Variants in CXCL8 observed in about 807,000 individuals in gnomAD.
The protein encoded by CXCL8 is interleukin-8.
CXCL8 carries 12 observed loss-of-function variants against 10.9 expected under a neutral mutation model. That is an observed-to-expected ratio of 1.10 (90% CI 0.71 to 1.79). The LOEUF is 1.79. Ranked by LOEUF, CXCL8 falls within the 40% of genes most tolerant of loss-of-function variation. CXCL8 has a pLI of 0.00. For synonymous variants in CXCL8, 41 were observed against 39.6 expected (o/e 1.03, Z -0.13); for missense variants, 145 against 113.4 (o/e 1.28, Z -1.26).
intron 1 of CXCL8, 94 bp downstream of exon 1, chr4:73,740,816 CT>C: frequency 2.0e-6 from 2 of 979,012 alleles, no homozygotes; most frequent in South Asian, 1.5e-5. Context: ...AACAAACATC[CT>C]TTTTATTCAG....
Position 73,740,741 on chromosome 4 carries a change from C to A in CXCL8, c.64+19C>A, listed in dbSNP as rs931365724. The A allele has an allele frequency of 1.9e-6, 3 of 1,608,560 alleles. No homozygotes were observed. Among genetic ancestry groups the A allele is most frequent in the Non-Finnish European group, 2.6e-6 (3 of 1,176,300 alleles). ...TGTGAAGGTAAGCACATCTTTCTGA[C>A]CTACAGCGTTTTCCTATGTCTAAAT... On this transcript the variant is annotated intron_variant, in intron 1 of 3. Transcript: ENST00000307407.
intron 3 of CXCL8, 191 bp downstream of exon 3, chr4:73,742,223 C>T (rs1729194601): frequency 1.7e-6 from 1 of 578,932 alleles, no homozygotes; most frequent in African/African-American, 1.9e-5. Flanking sequence ...ATAGTTTGCC[C>T]AGGAAATTCT....
intron 1 of CXCL8, 125 bp downstream of exon 1, chr4:73,740,847 C>A: frequency 1.3e-6 from 1 of 741,014 alleles, no homozygotes; most frequent in Non-Finnish European, 2.2e-6. Context: ...ATAATCTTAG[C>A]AGTCAATTAA....
chr4:73,743,470 G>A lies in CXCL8; in HGVS notation c.*1006G>A. 4.9e-6 allele frequency: 1 copy of A among 203,430 alleles called. No individual in the cohort carries two copies. Among genetic ancestry groups the A allele is most frequent in the Non-Finnish European group, 1.0e-5 (1 of 99,306 alleles). 12.6% of individuals were successfully genotyped at this position (203,430 alleles called of 1,614,324 possible). ...TGTTGAATTACGGAATAATGAGTTA[G>A]AACTATTAAAACAGCCAAAACTCCA... On this transcript the variant is annotated 3_prime_UTR_variant, in exon 4 of 4. Coordinates refer to ENST00000307407, the MANE Select transcript of CXCL8 (RefSeq NM_000584.4).
intron 3 of CXCL8, 77 bp downstream of exon 3, chr4:73,742,109 T>C (rs2149423227): frequency 1.1e-6 from 1 of 889,786 alleles, no homozygotes; most frequent in East Asian, 2.7e-5. Context: ...ATAAATTTCT[T>C]TCTGTTGCTA....
At position 73,741,667 on chromosome 4, in the gene CXCL8, A is replaced by C. The variant is rs758228010; in HGVS notation, c.190A>C (p.Thr64Pro). Reference protein sequence around the residue: ...VIESGPHCANTEIIVKLSDGR... With the variant: ...VIESGPHCANPEIIVKLSDGR... Reference sequence around the variant, plus strand: ...TGAGAGTGGACCACACTGCGCCAACACAGAAATTATGTAAGTACTTTAAAA... The same window carrying C: ...TGAGAGTGGACCACACTGCGCCAACCCAGAAATTATGTAAGTACTTTAAAA... Residue 64 changes from threonine to proline, a missense_variant, in exon 2 of 4, where the codon ACA becomes CCA. Thr to Pro is a conservative substitution (Grantham distance 38). Transcript: ENST00000307407. 1.9e-6 allele frequency: 3 copies of C among 1,610,828 alleles called. No homozygotes were observed. The South Asian group carries it at 3.3e-5, about 18-fold the overall frequency.
chr4:73,741,580 C>T lies in CXCL8; in HGVS notation c.103C>T (p.Gln35Ter). Reference protein sequence around the residue: ...LPRSAKELRCQCIKTYSKPFH... With the variant: ...LPRSAKELRC ...AAGGAGTGCTAAAGAACTTAGATGT[C>T]AGTGCATAAAGACATACTCCAAACC... The change falls in exon 2 of 4, where the codon CAG (glutamine) becomes TAG (stop). Residue 35 changes from glutamine (Q) to a stop codon, truncating the protein, a stop_gained. Transcript: ENST00000307407. LOFTEE classifies it high-confidence loss of function. 6.2e-7 allele frequency: 1 copy of T among 1,613,388 alleles called. No homozygotes were observed. The highest frequency in any genetic ancestry group is 8.5e-7 in the Non-Finnish European group (1 of 1,179,508).
chr4:73,741,447 G>T lies in CXCL8; in HGVS notation c.65-95G>T. 3 of 1,188,066 alleles carry T rather than the reference G, an allele frequency of 2.5e-6. No individual in the cohort carries two copies. In the South Asian group the frequency reaches 4.3e-5, roughly 17 times the overall value. 73.6% of individuals were successfully genotyped at this position (1,188,066 alleles called of 1,614,324 possible). A position where few individuals can be genotyped will look rare whatever the true frequency, so the allele number is the denominator to read the frequency against. On this transcript the variant is annotated intron_variant, in intron 1 of 3. Transcript: ENST00000307407. The stretch of plus-strand genomic sequence containing the variant: ...CACTAGAAACATGATGCCTTCCATA[G>T]TCTCCAAATAATCATATTGGAATTA...
rs1003486585 is a variant in CXCL8 at position 73,742,627 on chromosome 4, T to C, written c.*163T>C. On this transcript the variant is annotated 3_prime_UTR_variant, in exon 4 of 4. Transcript: ENST00000307407. ...TGAATTTCAGTAAACAATGAATAGTTTTTCATTGTACCATGAAATATCCAG... is the reference window on the plus strand; with the variant it reads ...TGAATTTCAGTAAACAATGAATAGTCTTTCATTGTACCATGAAATATCCAG... 2 of 453,048 alleles carry C rather than the reference T, an allele frequency of 4.4e-6. No homozygotes were observed. The highest frequency in any genetic ancestry group is 4.3e-5 in the Admixed American group (1 of 23,388). The allele number at this position is 453,048 out of a possible 1,614,324, so 28.1% of individuals were successfully genotyped here.
In CXCL8 at chr4:73,741,893, C is replaced by A. The variant is rs1729183622; in HGVS notation, c.201-56C>A. 4 of 1,340,118 alleles carry A rather than the reference C, an allele frequency of 3.0e-6. No individual in the cohort carries two copies. In the South Asian group the frequency reaches 3.6e-5, roughly 12 times the overall value. The allele number at this position is 1,340,118 out of a possible 1,614,324, so 83.0% of individuals were successfully genotyped here. On this transcript the variant is annotated intron_variant, in intron 2 of 3. Coordinates refer to ENST00000307407, the MANE Select transcript of CXCL8 (RefSeq NM_000584.4). ...AGACTTTATGCCTGACTTAAGGAAT[C>A]ATGATTTGAATGCAAAAACTAAATA...
chr4:73,743,550 G>T lies in CXCL8; in HGVS notation c.*1086G>T, dbSNP rs1729237883. 1 of 196,216 alleles carries T rather than the reference G, an allele frequency of 5.1e-6. No individual in the cohort carries two copies. The highest frequency in any genetic ancestry group is 1.1e-5 in the Non-Finnish European group (1 of 94,908). The allele number at this position is 196,216 out of a possible 1,614,324, so 12.2% of individuals were successfully genotyped here. A position where few individuals can be genotyped will look rare whatever the true frequency, so the allele number is the denominator to read the frequency against. On this transcript the variant is annotated 3_prime_UTR_variant, in exon 4 of 4. Transcript: ENST00000307407. ...GAAACTTGTTTATTATGTACAAATAGATTCTTATAATATTATTTAAATGAC... is the reference window on the plus strand; with the variant it reads ...GAAACTTGTTTATTATGTACAAATATATTCTTATAATATTATTTAAATGAC...
intron 3 of CXCL8, 47 bp from the exon 4 acceptor site, chr4:73,742,402 C>A: frequency 1.0e-6 from 1 of 956,862 alleles, no homozygotes; most frequent in Non-Finnish European, 1.6e-6. Flanking sequence ...CCCTACTTTC[C>A]TTCTTATTAA....
chr4:73,741,948 G>C lies in CXCL8; in HGVS notation c.201-1G>C, dbSNP rs1310894391. The C allele has an allele frequency of 6.3e-7, 1 of 1,597,954 alleles. No individual in the cohort carries two copies. The highest frequency in any genetic ancestry group is 8.6e-7 in the Non-Finnish European group (1 of 1,165,986). The stretch of plus-strand genomic sequence containing the variant: ...TCTGAACCATTTCTTTCTTATTTCA[G>C]TGTAAAGCTTTCTGATGGAAGAGAG... On this transcript the variant is annotated splice_acceptor_variant, in intron 2 of 3. Coordinates refer to ENST00000307407, the MANE Select transcript of CXCL8 (RefSeq NM_000584.4). LOFTEE classifies it high-confidence loss of function.
Position 73,743,566 on chromosome 4 carries a change from T to C in CXCL8, c.*1102T>C, listed in dbSNP as rs200908958. The C allele has an allele frequency of 5.1e-6, 1 of 197,338 alleles. No homozygotes were observed. The highest frequency in any genetic ancestry group is 1.0e-5 in the Non-Finnish European group (1 of 95,588). The allele number at this position is 197,338 out of a possible 1,614,324, so 12.2% of individuals were successfully genotyped here. ...GTACAAATAGATTCTTATAATATTATTTAAATGACTGCATTTTTAAATACA... is the reference window on the plus strand; with the variant it reads ...GTACAAATAGATTCTTATAATATTACTTAAATGACTGCATTTTTAAATACA... On this transcript the variant is annotated 3_prime_UTR_variant, in exon 4 of 4. Coordinates refer to ENST00000307407, the MANE Select transcript of CXCL8 (RefSeq NM_000584.4).
chr4:73,741,928 A>G (rs1729184350), intron 2 of CXCL8, 21 bp from the exon 3 acceptor site: 2 of 1,543,726 alleles, frequency 1.3e-6, no homozygotes, highest in South Asian at 1.1e-5. Flanking sequence ...ATTAATCTGA[A>G]CCATTTCTTT....
In CXCL8 at chr4:73,740,598, A is replaced by G. The variant is rs1729142630; in HGVS notation, c.-61A>G. 4 of 1,489,314 alleles carry G rather than the reference A, an allele frequency of 2.7e-6. No homozygotes were observed. The Middle Eastern group carries it at 6.9e-4, about 259-fold the overall frequency. The allele number at this position is 1,489,314 out of a possible 1,614,324, so 92.3% of individuals were successfully genotyped here. A position where few individuals can be genotyped will look rare whatever the true frequency, so the allele number is the denominator to read the frequency against. On this transcript the variant is annotated 5_prime_UTR_variant, in exon 1 of 4. Coordinates refer to ENST00000307407, the MANE Select transcript of CXCL8 (RefSeq NM_000584.4). The stretch of plus-strand genomic sequence containing the variant: ...ACTTTCAGAGACAGCAGAGCACACA[A>G]GCTTCTAGGACAAGAGCCAGGAAGA...
At chr4:73,741,743 AT>A in intron 2 of CXCL8, 66 bp downstream of exon 2, 1 of 1,461,584 alleles carries the variant, frequency 6.8e-7, no homozygotes, top group Non-Finnish European at 9.5e-7. Flanking sequence ...AGGTGGAAAT[AT>A]TTAGGAAAGT....
chr4:73,741,658 T>G lies in CXCL8; in HGVS notation c.181T>G (p.Cys61Gly). 11 of 1,613,322 alleles carry G rather than the reference T, an allele frequency of 6.8e-6. No homozygotes were observed. Among genetic ancestry groups the G allele is most frequent in the Non-Finnish European group, 9.3e-6 (11 of 1,179,600 alleles). ...ELRVIESGPH[C>G]ANTEIIVKLS... ...GAGAGTGATTGAGAGTGGACCACACTGCGCCAACACAGAAATTATGTAAGT... is the reference window on the plus strand; with the variant it reads ...GAGAGTGATTGAGAGTGGACCACACGGCGCCAACACAGAAATTATGTAAGT... The change falls in exon 2 of 4, where the codon TGC (cysteine) becomes GGC (glycine). Residue 61 changes from cysteine (C) to glycine (G), a missense_variant. Physicochemically the swap from Cys to Gly is radical, Grantham distance 159. Coordinates refer to ENST00000307407, the MANE Select transcript of CXCL8 (RefSeq NM_000584.4).
At chr4:73,741,772 C>T in intron 2 of CXCL8, 95 bp downstream of exon 2, 3 of 1,221,474 alleles carry the variant, frequency 2.5e-6, no homozygotes, top group Middle Eastern at 4.1e-4. Context: ...GTTAGGATTA[C>T]AGTAGTAAAT....
Sources: allele counts gnomAD v4.1 joint callset, GRCh38; gene constraint gnomAD v4.1.1; transcripts MANE v1.5; gene names NCBI Gene and HGNC (gene_info 2026-07-23, HGNC 2026-07-21).